ZC3H18: variants seen among roughly 807,000 people sequenced by gnomAD.
ZC3H18 encodes zinc finger CCCH-type containing 18, also known as zinc finger CCCH domain-containing protein 18.
In ZC3H18, 8 loss-of-function variants were observed where a neutral mutation model predicts 106.1. The observed-to-expected ratio is 0.08, with a 90% confidence interval of 0.04 to 0.14. The LOEUF (loss-of-function observed/expected upper bound fraction) is 0.14, where lower values mean the gene tolerates loss of function less well. ZC3H18 is among the 10% of genes least tolerant of loss of function. The pLI, the probability that ZC3H18 is intolerant of heterozygous loss-of-function variation, is 1.00. For synonymous variants in ZC3H18, 635 were observed against 522.1 expected, an observed-to-expected ratio of 1.22 and a Z score of -2.95; for missense variants, 1,318 against 1,278.4, an observed-to-expected ratio of 1.03 and a Z score of -0.47.
chr16:88,613,294 T>C (rs915773616), intron 8 of ZC3H18, among the ~76,000 whole-genome samples: 3 of 152,216 alleles, frequency 2.0e-5, no homozygotes, highest in Admixed American at 6.5e-5. Context: ...CTTTTGGCTG[T>C]TGTGGTTGTG....
At chr16:88,593,289 C>T (rs1006623075) in intron 3 of ZC3H18, among the ~76,000 whole-genome samples, 3 of 152,156 alleles carry the variant, frequency 2.0e-5, no homozygotes, top group African/African-American at 4.8e-5. Flanking sequence ...AGCACAGCAC[C>T]GCCGTACCCC....
At position 88,616,310 on chromosome 16, in the gene ZC3H18, C is replaced by T. The variant is rs1028714765; in HGVS notation, c.1475+4774C>T. On this transcript the variant is annotated intron_variant, in intron 8 of 17. Transcript: ENST00000301011. ...AGCCGCTCTTCCCACCTGTTTCTGA[C>T]CTGGTTCATTTCCCTTCTGCGAGGC... 9.8e-5 allele frequency among the ~76,000 whole-genome samples: 15 copies of T among 152,366 alleles called. 5 individuals carry two copies. Among genetic ancestry groups the T allele is most frequent in the Admixed American group, 9.8e-4 (15 of 15,310 alleles).
chr16:88,624,974 G>A (rs1906210851), intron 12 of ZC3H18, among the ~76,000 whole-genome samples: 1 of 152,192 alleles, frequency 6.6e-6, no homozygotes, highest in African/African-American at 2.4e-5. Flanking sequence ...CGGAGCACAG[G>A]CCTTCCCGCC....
At chr16:88,615,440 C>T (rs1905538513) in intron 8 of ZC3H18, among the ~76,000 whole-genome samples, 1 of 152,228 alleles carries the variant, frequency 6.6e-6, no homozygotes, top group Non-Finnish European at 1.5e-5. Flanking sequence ...CTGTGCCTGT[C>T]CCAGAGTCCC....
chr16:88,575,860 C>T (rs1319003556), intron 1 of ZC3H18, among the ~76,000 whole-genome samples: 2 of 151,764 alleles, frequency 1.3e-5, no homozygotes, highest in African/African-American at 4.8e-5. Context: ...AATATAGGCA[C>T]GCACCACCAC....
chr16:88,614,579 T>C (rs1905465037), intron 8 of ZC3H18, among the ~76,000 whole-genome samples: 1 of 152,244 alleles, frequency 6.6e-6, no homozygotes, highest in African/African-American at 2.4e-5. Flanking sequence ...ATGTGCTGTA[T>C]TTGTCATACT....
At chr16:88,584,229 C>G (rs1453573228) in intron 2 of ZC3H18, among the ~76,000 whole-genome samples, 2 of 152,076 alleles carry the variant, frequency 1.3e-5, no homozygotes, top group African/African-American at 4.8e-5. Flanking sequence ...CAAGACCAGC[C>G]TGGCCAACAT....
At chr16:88,599,486 C>T (rs1189367512) in intron 5 of ZC3H18, among the ~76,000 whole-genome samples, 1 of 152,224 alleles carries the variant, frequency 6.6e-6, no homozygotes, top group African/African-American at 2.4e-5. Context: ...AGCCACTCCA[C>T]CTGCTGCTTG....
chr16:88,616,957 A>G (rs1445157607), intron 8 of ZC3H18, among the ~76,000 whole-genome samples: 1 of 152,222 alleles, frequency 6.6e-6, no homozygotes, highest in Non-Finnish European at 1.5e-5. Context: ...CACCACCCCA[A>G]GCTTCACGAG....
At chr16:88,598,756 A>T (rs1904588060) in intron 5 of ZC3H18, 44 bp downstream of exon 5, 1 of 1,559,186 alleles carries the variant, frequency 6.4e-7, no homozygotes, top group Non-Finnish European at 8.7e-7. Flanking sequence ...AGATGCTATT[A>T]CAGGAGTGGT....
At chr16:88,604,160 TG>T (rs1904894533) in intron 6 of ZC3H18, among the ~76,000 whole-genome samples, 1 of 152,098 alleles carries the variant, frequency 6.6e-6, no homozygotes, top group Admixed American at 6.5e-5. Context: ...AAGACCAGTC[TG>T]GACAACATGG....
intron 2 of ZC3H18, among the ~76,000 whole-genome samples, chr16:88,586,047 G>A (rs994897174): frequency 3.5e-4 from 53 of 152,188 alleles, no homozygotes; most frequent in African/African-American, 1.3e-3. Flanking sequence ...CTGTGCACCC[G>A]AGTCCCTGTG....
chr16:88,602,059 G>C (rs1273886722), intron 6 of ZC3H18, among the ~76,000 whole-genome samples: 2 of 152,256 alleles, frequency 1.3e-5, no homozygotes, highest in Admixed American at 6.5e-5. Context: ...CCGGAGGGAA[G>C]GAAGGAGCTG....
At chr16:88,623,092 T>TGCGC in intron 9 of ZC3H18, 127 bp from the exon 10 acceptor site, 1 of 1,351,950 alleles carries the variant, frequency 7.4e-7, no homozygotes, top group South Asian at 1.4e-5. Flanking sequence ...TGTGCGCGCG[T>TGCGC]GCGCAGCTGT....
At chr16:88,580,314 T>G (rs1018642830) in intron 2 of ZC3H18, among the ~76,000 whole-genome samples, 1 of 151,860 alleles carries the variant, frequency 6.6e-6, no homozygotes, top group African/African-American at 2.4e-5. Flanking sequence ...GCCTGGCACA[T>G]AGTGGGCAGC....
rs565321945 is a variant in ZC3H18 at position 88,622,306 on chromosome 16, C to G, written c.1585C>G (p.Leu529Val). Residue 529 changes from leucine (L) to valine (V), a missense_variant, in exon 9 of 18, where the codon CTC (leucine) becomes GTC (valine). Coordinates refer to ENST00000301011, the MANE Select transcript of ZC3H18 (RefSeq NM_144604.4). ...WRRSKSPKKK[L>V]GVSVSPSRAR... ...CCGATCCAAGTCTCCCAAGAAGAAACTCGGGGTGTCGGTCTCCCCGAGCCG... is the reference window on the plus strand; with the variant it reads ...CCGATCCAAGTCTCCCAAGAAGAAAGTCGGGGTGTCGGTCTCCCCGAGCCG... The G allele has an allele frequency of 2.5e-6, 4 of 1,614,066 alleles. No individual in the cohort carries two copies. Among genetic ancestry groups the G allele is most frequent in the Non-Finnish European group, 3.4e-6 (4 of 1,179,960 alleles).
intron 2 of ZC3H18, among the ~76,000 whole-genome samples, chr16:88,578,122 C>G (rs937064800): frequency 3.3e-5 from 5 of 152,240 alleles, no homozygotes; most frequent in African/African-American, 1.2e-4. Context: ...GGTTTCCACT[C>G]TTGTCAGGTT....
At position 88,589,330 on chromosome 16, in the gene ZC3H18, G is replaced by A. The variant is rs564244151; in HGVS notation, c.688+2646G>A. 5.3e-5 allele frequency among the ~76,000 whole-genome samples: 8 copies of A among 152,346 alleles called. No homozygotes were observed. The South Asian group carries it at 8.3e-4, about 16-fold the overall frequency. On this transcript the variant is annotated intron_variant, in intron 3 of 17. Coordinates refer to ENST00000301011, the MANE Select transcript of ZC3H18 (RefSeq NM_144604.4). Reference sequence around the variant, plus strand: ...CTGCAGGTATGCAGCCAAGAGAAACGGACGTGTGCATTTATGTGAAAGCTT... The same window carrying A: ...CTGCAGGTATGCAGCCAAGAGAAACAGACGTGTGCATTTATGTGAAAGCTT...
At chr16:88,582,946 T>C (rs1015334493) in intron 2 of ZC3H18, among the ~76,000 whole-genome samples, 5 of 152,222 alleles carry the variant, frequency 3.3e-5, no homozygotes, top group African/African-American at 4.8e-5. Context: ...AGCCAGAATA[T>C]TTCTGAATTC....
Sources: gnomAD v4.1 joint callset for allele counts (sites outside exome capture counted in the v4.1 genomes callset) on GRCh38, gnomAD v4.1.1 for gene constraint, MANE v1.5 for transcripts, NCBI Gene and HGNC (gene_info 2026-07-23, HGNC 2026-07-21) for gene names.